TNNC1: variants seen among roughly 807,000 people sequenced by gnomAD.
The protein encoded by TNNC1 is troponin C1, slow skeletal and cardiac type, also known as troponin C, slow skeletal and cardiac muscles.
TNNC1 carries 10 observed loss-of-function variants against 19.6 expected under a neutral mutation model. That is an observed-to-expected ratio of 0.51 (90% CI 0.31 to 0.87). The LOEUF (loss-of-function observed/expected upper bound fraction) is 0.87. TNNC1 is among the 40% of genes least tolerant of loss of function. The pLI is 0.04. For synonymous variants in TNNC1, 85 were observed against 80.1 expected (o/e 1.06, Z -0.33); for missense variants, 115 against 219.8 (o/e 0.52, Z 3.02).
At chr3:52,453,091 G>C (rs1425012011) in intron 1 of TNNC1, among the ~76,000 whole-genome samples, 2 of 152,208 alleles carry the variant, frequency 1.3e-5, no homozygotes, top group African/African-American at 2.4e-5. Context: ...CCCAACCCCG[G>C]CTCCATGGAC....
chr3:52,451,287 C>G lies in TNNC1; in HGVS notation c.474G>C (p.Lys158Asn), dbSNP rs770807038. The change falls in exon 6 of 6, where the codon AAG (lysine) becomes AAC (asparagine). Residue 158 changes from lysine (K) to asparagine (N), a missense_variant. Lys to Asn is a moderately conservative substitution (Grantham distance 94). Transcript: ENST00000232975. The surrounding 1 kb of genome is among the most constrained non-coding windows in gnomAD (Gnocchi z 4.8). ...IDYDEFLEFM[K>N]GVE ...TGAAGGTCAGCATCTACTCCACACC[C>G]TTCATGAACTCCAGGAACTCTGTGG... The G allele has an allele frequency of 6.2e-7, 1 of 1,614,110 alleles. No individual in the cohort carries two copies. The highest frequency in any genetic ancestry group is 1.1e-5 in the South Asian group (1 of 91,078).
chr3:52,451,130 AGG>A lies in TNNC1; in HGVS notation c.*143_*144del. On this transcript the variant is annotated 3_prime_UTR_variant, in exon 6 of 6. Coordinates refer to ENST00000232975, the MANE Select transcript of TNNC1 (RefSeq NM_003280.3). The surrounding 1 kb of genome is among the most constrained non-coding windows in gnomAD (Gnocchi z 4.8). ...AGAGCAGGCTTTATTTGCATCCCCC[AGG>A]ACAGATCTGGGGAGGGAGTCGGGGG... 1 of 950,576 alleles carries A rather than the reference AGG, an allele frequency of 1.1e-6. No homozygotes were observed. The highest frequency in any genetic ancestry group is 1.6e-5 in the African/African-American group (1 of 61,608). The allele number at this position is 950,576 out of a possible 1,614,324, so 58.9% of individuals were successfully genotyped here.
In TNNC1 at chr3:52,451,214, A is replaced by G; in HGVS notation, c.*61T>C. The G allele has an allele frequency of 6.2e-7, 1 of 1,608,624 alleles. No individual in the cohort carries two copies. The highest frequency in any genetic ancestry group is 8.5e-7 in the Non-Finnish European group (1 of 1,175,428). ...TCCTGGGACCCCGACCCCCTCCCCA[A>G]CCCCAGGACTCAGCTGGAGTTGGAG... On this transcript the variant is annotated 3_prime_UTR_variant, in exon 6 of 6. Transcript: ENST00000232975. The surrounding 1 kb of genome is among the most constrained non-coding windows in gnomAD (Gnocchi z 4.8).
Position 52,452,648 on chromosome 3 carries a change from C to T in TNNC1, c.25-135G>A. The T allele has an allele frequency of 1.1e-6, 1 of 949,496 alleles. No homozygotes were observed. Among genetic ancestry groups the T allele is most frequent in the Non-Finnish European group, 1.7e-6 (1 of 604,566 alleles). 58.8% of individuals were successfully genotyped at this position (949,496 alleles called of 1,614,324 possible). ...CAGGCCACAGAGTGGAGGTCTCAGT[C>T]CTCCCTCCCTGCCCCCAAAGCCCTG... On this transcript the variant is annotated intron_variant, in intron 1 of 5. Transcript: ENST00000232975. The surrounding 1 kb of genome is among the most constrained non-coding windows in gnomAD (Gnocchi z 5.2).
chr3:52,453,227 GT>G (rs1338990930), intron 1 of TNNC1, among the ~76,000 whole-genome samples: 1 of 152,234 alleles, frequency 6.6e-6, no homozygotes, highest in African/African-American at 2.4e-5. Context: ...TTGCTCTGGG[GT>G]TGGGGGAGGT....
chr3:52,452,028 CT>C lies in TNNC1; in HGVS notation c.202+77del. 2 of 1,608,664 alleles carry C rather than the reference CT, an allele frequency of 1.2e-6. No individual in the cohort carries two copies. ...ACCAAGGCTCGGATAGGCTAAATTG[CT>C]CCCAGCTAAACAGAGCCAGCATTCC... On this transcript the variant is annotated intron_variant, in intron 3 of 5. Transcript: ENST00000232975. This position sits in a 1 kb window ranked among gnomAD's most constrained non-coding sequence, Gnocchi z 5.2.
rs1706345674 is a variant in TNNC1 at position 52,452,656 on chromosome 3, C to T, written c.25-143G>A. On this transcript the variant is annotated intron_variant, in intron 1 of 5. Coordinates refer to ENST00000232975, the MANE Select transcript of TNNC1 (RefSeq NM_003280.3). The surrounding 1 kb of genome is among the most constrained non-coding windows in gnomAD (Gnocchi z 5.2). ...AGAGTGGAGGTCTCAGTCCTCCCTC[C>T]CTGCCCCCAAAGCCCTGACGTGACC... 1 of 915,552 alleles carries T rather than the reference C, an allele frequency of 1.1e-6. No homozygotes were observed. The highest frequency in any genetic ancestry group is 1.7e-6 in the Non-Finnish European group (1 of 575,634). 56.7% of individuals were successfully genotyped at this position (915,552 alleles called of 1,614,324 possible).
chr3:52,451,108 G>C lies in TNNC1; in HGVS notation c.*167C>G. ...GAGCCAGATAGCAGACCTTGGGAGA[G>C]CAGGCTTTATTTGCATCCCCCAGGA... On this transcript the variant is annotated 3_prime_UTR_variant, in exon 6 of 6. Transcript: ENST00000232975. The surrounding 1 kb of genome is among the most constrained non-coding windows in gnomAD (Gnocchi z 4.8). 2 of 808,184 alleles carry C rather than the reference G, an allele frequency of 2.5e-6. No homozygotes were observed. The highest frequency in any genetic ancestry group is 4.2e-6 in the Non-Finnish European group (2 of 481,776). 50.1% of individuals were successfully genotyped at this position (808,184 alleles called of 1,614,324 possible).
At chr3:52,453,713 T>G (rs1706362610) in intron 1 of TNNC1, among the ~76,000 whole-genome samples, 1 of 152,158 alleles carries the variant, frequency 6.6e-6, no homozygotes, top group Admixed American at 6.5e-5. Context: ...GACATGTGGC[T>G]GAGCGACAGT....
At position 52,451,697 on chromosome 3, in the gene TNNC1, C is replaced by T. The variant is rs772372620; in HGVS notation, c.317+47G>A. The T allele has an allele frequency of 6.9e-6, 11 of 1,596,812 alleles. No individual in the cohort carries two copies. In the South Asian group the frequency reaches 7.7e-5, roughly 11 times the overall value. On this transcript the variant is annotated intron_variant, in intron 4 of 5. Transcript: ENST00000232975. The surrounding 1 kb of genome is among the most constrained non-coding windows in gnomAD (Gnocchi z 4.8). ...TCTGAGACTGCCCTCCTGTACAGCT[C>T]GGCTTGAGTGTGGGTCAGGGTCAGA...
Position 52,452,368 on chromosome 3 carries a change from G to C in TNNC1, c.55+115C>G. The C allele has an allele frequency of 1.9e-6, 3 of 1,588,534 alleles. No individual in the cohort carries two copies. Among genetic ancestry groups the C allele is most frequent in the Non-Finnish European group, 2.6e-6 (3 of 1,167,218 alleles). Reference sequence around the variant, plus strand: ...CACCTCCCTCGGAGACCTCTCTGAGGGCAGAGCAAGAGGGACCAAGCCTCT... The same window carrying C: ...CACCTCCCTCGGAGACCTCTCTGAGCGCAGAGCAAGAGGGACCAAGCCTCT... On this transcript the variant is annotated intron_variant, in intron 2 of 5. Coordinates refer to ENST00000232975, the MANE Select transcript of TNNC1 (RefSeq NM_003280.3). This position sits in a 1 kb window ranked among gnomAD's most constrained non-coding sequence, Gnocchi z 5.2.
chr3:52,451,785 T>C lies in TNNC1; in HGVS notation c.276A>G (p.Lys92=), dbSNP rs1578264043. The C allele has an allele frequency of 1.2e-6, 2 of 1,614,068 alleles. No homozygotes were observed. The highest frequency in any genetic ancestry group is 2.2e-5 in the South Asian group (2 of 91,084). The change falls in exon 4 of 6, where the codon AAA becomes AAG. Residue 92 remains lysine (K), a synonymous_variant. Coordinates refer to ENST00000232975, the MANE Select transcript of TNNC1 (RefSeq NM_003280.3). This position sits in a 1 kb window ranked among gnomAD's most constrained non-coding sequence, Gnocchi z 4.8. The stretch of plus-strand genomic sequence containing the variant: ...AGAGGTCAGACAGCTCCTCCTCAGA[T>C]TTCCCTTTGCTGTCGTCCTTCATGC... The part of the protein sequence containing the change: ...VRCMKDDSKG[K]SEEELSDLFR...
chr3:52,451,508 C>T lies in TNNC1; in HGVS notation c.337G>A (p.Asp113Asn), dbSNP rs369639550. The change falls in exon 5 of 6, where the codon GAC becomes AAC. Residue 113 changes from aspartate (D) to asparagine (N), a missense_variant. Around this residue, in one of 2 missense-constraint regions of TNNC1, gnomAD observed 96 missense variants for 114.2 expected, o/e 0.84. Transcript: ENST00000232975. The surrounding 1 kb of genome is among the most constrained non-coding windows in gnomAD (Gnocchi z 4.8). ...AGCATTATCTTCAGCTCATCCAGGTCGATGTAGCCATCAGCATTTCTGTGG... is the reference window on the plus strand; with the variant it reads ...AGCATTATCTTCAGCTCATCCAGGTTGATGTAGCCATCAGCATTTCTGTGG... Reference protein sequence around the residue: ...MFDKNADGYIDLDELKIMLQA... With the variant: ...MFDKNADGYINLDELKIMLQA... 8 of 1,613,916 alleles carry T rather than the reference C, an allele frequency of 5.0e-6. No individual in the cohort carries two copies. Among genetic ancestry groups the T allele is most frequent in the African/African-American group, 4.0e-5 (3 of 74,892 alleles).
In TNNC1 at chr3:52,451,899, G is replaced by A. The variant is rs1490939125; in HGVS notation, c.203-41C>T. 4 of 1,591,208 alleles carry A rather than the reference G, an allele frequency of 2.5e-6. No individual in the cohort carries two copies. The highest frequency in any genetic ancestry group is 3.4e-6 in the Non-Finnish European group (4 of 1,159,852). On this transcript the variant is annotated intron_variant, in intron 3 of 5. Transcript: ENST00000232975. This position sits in a 1 kb window ranked among gnomAD's most constrained non-coding sequence, Gnocchi z 4.8. ...ATGGCCGTTACAGAGGCCAGGGTAG[G>A]TACTGCAGGCAGCACCTTCGACACG... is the stretch of plus-strand genomic sequence containing the variant.
At position 52,452,367 on chromosome 3, in the gene TNNC1, G is replaced by A; in HGVS notation, c.56-115C>T. 1 of 1,589,826 alleles carries A rather than the reference G, an allele frequency of 6.3e-7. No individual in the cohort carries two copies. The highest frequency in any genetic ancestry group is 8.6e-7 in the Non-Finnish European group (1 of 1,168,174). On this transcript the variant is annotated intron_variant, in intron 2 of 5. Coordinates refer to ENST00000232975, the MANE Select transcript of TNNC1 (RefSeq NM_003280.3). The surrounding 1 kb of genome is among the most constrained non-coding windows in gnomAD (Gnocchi z 5.2). ...CCACCTCCCTCGGAGACCTCTCTGA[G>A]GGCAGAGCAAGAGGGACCAAGCCTC...
In TNNC1 at chr3:52,451,318, G is replaced by C. The variant is rs775842086; in HGVS notation, c.455-12C>G. 6.2e-7 allele frequency: 1 copy of C among 1,614,162 alleles called. No individual in the cohort carries two copies. Among genetic ancestry groups the C allele is most frequent in the South Asian group, 1.1e-5 (1 of 91,086 alleles). Reference sequence around the variant, plus strand: ...GAACTCCAGGAACTCTGTGGAAAGAGGGGCAGGTGTGGGTTGAGGGTAGGG... The same window carrying C: ...GAACTCCAGGAACTCTGTGGAAAGACGGGCAGGTGTGGGTTGAGGGTAGGG... On this transcript the variant is annotated splice_polypyrimidine_tract_variant and intron_variant, in intron 5 of 5. Transcript: ENST00000232975. The surrounding 1 kb of genome is among the most constrained non-coding windows in gnomAD (Gnocchi z 4.8).
chr3:52,453,955 C>T (rs1350527177), intron 1 of TNNC1, 37 bp downstream of exon 1: 4 of 1,576,194 alleles, frequency 2.5e-6, no homozygotes, highest in South Asian at 1.2e-5. Flanking sequence ...CCCCAGTGGG[C>T]CTGCCCACCC....
At position 52,452,323 on chromosome 3, in the gene TNNC1, G is replaced by A; in HGVS notation, c.56-71C>T. 6.2e-7 allele frequency: 1 copy of A among 1,601,534 alleles called. No homozygotes were observed. ...AGGACCACGGAGGGCCAGAACCCTG[G>A]GGCCACCTGCCAACCTGCCCACCTC... On this transcript the variant is annotated intron_variant, in intron 2 of 5. Transcript: ENST00000232975. This position sits in a 1 kb window ranked among gnomAD's most constrained non-coding sequence, Gnocchi z 5.2.
chr3:52,453,157 G>A (rs991015868), intron 1 of TNNC1, among the ~76,000 whole-genome samples: 5 of 152,240 alleles, frequency 3.3e-5, no homozygotes, highest in African/African-American at 1.2e-4. Context: ...TCCCTGCCCA[G>A]GAGTGAGGGA....
Sources: gnomAD v4.1 joint callset for allele counts (sites outside exome capture counted in the v4.1 genomes callset) on GRCh38, gnomAD v4.1.1 for gene constraint, gnomAD v4.1.1 regional missense constraint, Gnocchi (gnomAD v3.1) non-coding constraint, MANE v1.5 for transcripts, NCBI Gene and HGNC (gene_info 2026-07-23, HGNC 2026-07-21) for gene names.